Variants in AKR1E2 observed in about 807,000 individuals in gnomAD.
AKR1E2 encodes the protein aldo-keto reductase family 1 member E2.
In AKR1E2, 43 loss-of-function variants were observed where a neutral mutation model predicts 41.9. The ratio of observed to expected loss-of-function variants is 1.03; its 90% confidence interval spans 0.80 to 1.32. AKR1E2 has a LOEUF of 1.32. AKR1E2 is among the 40% of genes most tolerant of loss of function. The pLI is 0.00. For synonymous variants in AKR1E2, 121 were observed against 138.9 expected (o/e 0.87, Z 0.91); for missense variants, 423 against 396.5 (o/e 1.07, Z -0.57).
chr10:4,859,969 T>G, the AKR1E2 span, among the ~76,000 whole-genome samples: 7 of 152,304 alleles, frequency 4.6e-5, 1 homozygote, highest in Admixed American at 4.6e-4. Flanking sequence ...GGCTGCTGCT[T>G]TTGAAGAGTA....
At chr10:4,842,614 G>T in intron 8 of AKR1E2, 110 bp downstream of exon 8, 2 of 932,400 alleles carry the variant, frequency 2.1e-6, no homozygotes, top group Non-Finnish European at 3.4e-6. Flanking sequence ...TGCAACAGGG[G>T]CTTCTCCCTC....
rs367792177 is a variant in AKR1E2, at chr10:4,847,282, T to G, written c.920+52T>G. 28 of 1,610,454 alleles carry G rather than the reference T, an allele frequency of 1.7e-5. No individual in the cohort carries two copies. In the African/African-American group the frequency reaches 3.1e-4, roughly 18 times the overall value. On this transcript the variant is annotated intron_variant, in intron 9 of 9. Transcript: ENST00000298375. ...CAGAGGGAAGAATATACAGATTGAATGATTGGTGTCTGAATAGGTATTTAT... is the reference window on the plus strand; with the variant it reads ...CAGAGGGAAGAATATACAGATTGAAGGATTGGTGTCTGAATAGGTATTTAT...
In AKR1E2 at chr10:4,847,489, A is replaced by C. The variant is rs1415059098; in HGVS notation, c.922A>C (p.Thr308Pro). 3 of 1,611,998 alleles carry C rather than the reference A, an allele frequency of 1.9e-6. No homozygotes were observed. The highest frequency in any genetic ancestry group is 2.5e-6 in the Non-Finnish European group (3 of 1,179,422). ...RNLRLAMFPI[T>P]KNHKDYPFHI... ...TTGATTTGTTTTTCTGTTTTTCAGA[A>C]CTAAAAATCACAAAGACTATCCTTT... The change falls in exon 10 of 10, where the codon ACT becomes CCT. Residue 308 changes from threonine (T) to proline (P), a missense_variant and splice_region_variant. Thr to Pro is a conservative substitution (Grantham distance 38). Transcript: ENST00000298375.
At chr10:4,833,785 C>G (rs1462234971) in intron 3 of AKR1E2, among the ~76,000 whole-genome samples, 2 of 152,180 alleles carry the variant, frequency 1.3e-5, no homozygotes, top group Non-Finnish European at 2.9e-5. Flanking sequence ...GGAAATACTG[C>G]TGCTCAGAGA....
intron 7 of AKR1E2, 132 bp downstream of exon 7, chr10:4,841,989 C>A: frequency 1.4e-6 from 1 of 713,830 alleles, no homozygotes; most frequent in South Asian, 2.3e-5. Flanking sequence ...ATTAGAACCT[C>A]CCAGCGTCAA....
At chr10:4,850,615 C>T (rs958477237), downstream of AKR1E2, among the ~76,000 whole-genome samples, 2 of 152,150 alleles carry the variant, frequency 1.3e-5, no homozygotes, top group Non-Finnish European at 2.9e-5. Context: ...TTGGTCTGCC[C>T]CTGTTGTTGT....
chr10:4,833,024 T>A (rs1026378427), intron 2 of AKR1E2, among the ~76,000 whole-genome samples: 24 of 152,220 alleles, frequency 1.6e-4, no homozygotes, highest in African/African-American at 5.8e-4. Flanking sequence ...TCGTCATATC[T>A]TTTCTGCCTG....
chr10:4,842,575 G>A (rs1833976358), intron 8 of AKR1E2, 71 bp downstream of exon 8: 5 of 1,403,220 alleles, frequency 3.6e-6, no homozygotes, highest in Non-Finnish European at 5.0e-6. Flanking sequence ...GACTGCTGTA[G>A]CATACAGCCT....
At chr10:4,861,035 A>G in the AKR1E2 span, among the ~76,000 whole-genome samples, 21 of 152,164 alleles carry the variant, frequency 1.4e-4, no homozygotes, top group African/African-American at 4.8e-4. Flanking sequence ...GTACATTATA[A>G]TCTCCTCTGA....
chr10:4,855,047 G>C, the AKR1E2 span, among the ~76,000 whole-genome samples: 12 of 152,174 alleles, frequency 7.9e-5, no homozygotes, highest in Admixed American at 2.0e-4. Flanking sequence ...CTTGAGAGCT[G>C]ATGGGACTGC....
intron 3 of AKR1E2, among the ~76,000 whole-genome samples, chr10:4,834,055 T>C (rs955958367): frequency 3.3e-5 from 5 of 152,230 alleles, no homozygotes; most frequent in African/African-American, 1.2e-4. Flanking sequence ...CTAGGCAACC[T>C]GCTTCTGCCT....
chr10:4,866,030 A>T, the AKR1E2 span, among the ~76,000 whole-genome samples: 1 of 152,206 alleles, frequency 6.6e-6, no homozygotes, highest in Non-Finnish European at 1.5e-5. Flanking sequence ...TGTAACTAGC[A>T]GTACCAAATC....
At chr10:4,861,385 T>C in the AKR1E2 span, among the ~76,000 whole-genome samples, 2 of 152,130 alleles carry the variant, frequency 1.3e-5, no homozygotes, top group Non-Finnish European at 2.9e-5. Flanking sequence ...CTTTTTCTTT[T>C]CTTGAGATGG....
intron 1 of AKR1E2, among the ~76,000 whole-genome samples, chr10:4,826,746 C>T (rs1010915886): frequency 2.0e-5 from 3 of 152,154 alleles, no homozygotes; most frequent in African/African-American, 7.2e-5. Flanking sequence ...TCGGCCGGAA[C>T]AGGGAACCTC....
At chr10:4,841,901 C>A (rs372491126) in intron 7 of AKR1E2, 44 bp downstream of exon 7, 3 of 1,575,482 alleles carry the variant, frequency 1.9e-6, no homozygotes, top group South Asian at 2.3e-5. Flanking sequence ...GTTCTCTGAC[C>A]GCTCTACATC....
chr10:4,841,546 A>T (rs1184532772), intron 6 of AKR1E2, among the ~76,000 whole-genome samples: 1 of 152,180 alleles, frequency 6.6e-6, no homozygotes, highest in East Asian at 1.9e-4. Context: ...GAGGAGAAAC[A>T]CCAAATACAC....
At chr10:4,844,410 G>A (rs77248695) in intron 8 of AKR1E2, among the ~76,000 whole-genome samples, 5,516 of 152,282 alleles carry the variant, frequency 0.036, 156 homozygotes, top group East Asian at 0.11. Context: ...TGCAAAGACC[G>A]AAACAACAAA....
downstream of AKR1E2, among the ~76,000 whole-genome samples, chr10:4,848,519 T>G (rs1313432947): frequency 6.6e-6 from 1 of 152,232 alleles, no homozygotes; most frequent in Non-Finnish European, 1.5e-5. Flanking sequence ...ATATAACTTC[T>G]CAACTCACAG....
At chr10:4,849,644 G>T (rs757923965), downstream of AKR1E2, among the ~76,000 whole-genome samples, 2 of 152,230 alleles carry the variant, frequency 1.3e-5, no homozygotes, top group African/African-American at 2.4e-5. Context: ...GGAGAGGTTG[G>T]TCAGCAAGGA....
Sources: gnomAD v4.1 joint callset for allele counts (sites outside exome capture counted in the v4.1 genomes callset) on GRCh38, gnomAD v4.1.1 for gene constraint, MANE v1.5 for transcripts, NCBI Gene and HGNC (gene_info 2026-07-23, HGNC 2026-07-21) for gene names.